The following KIAA0825 variants were observed in gnomAD, a reference collection of about 807,000 sequenced individuals.
KIAA0825 encodes the protein KIAA0825, also known as uncharacterized protein KIAA0825.
KIAA0825 carries 119 observed loss-of-function variants against 147.6 expected under a neutral mutation model. That is an observed-to-expected ratio of 0.81 (90% CI 0.69 to 0.94). KIAA0825 has a LOEUF of 0.94. KIAA0825 is among the 40% of genes least tolerant of loss of function. The pLI is 0.00. For synonymous variants in KIAA0825, 470 were observed against 518.1 expected (o/e 0.91, Z 1.26); for missense variants, 1,381 against 1,472.7 (o/e 0.94, Z 1.02).
At chr5:94,565,075 TCTC>T (rs1778421162) in intron 2 of KIAA0825, among the ~76,000 whole-genome samples, 2 of 142,996 alleles carry the variant, frequency 1.4e-5, no homozygotes, top group African/African-American at 2.6e-5. Flanking sequence ...TGTCTCTCTT[TCTC>T]TCTCTTTCTT....
At chr5:94,377,064 A>G (rs974396988) in intron 20 of KIAA0825, among the ~76,000 whole-genome samples, 2 of 152,214 alleles carry the variant, frequency 1.3e-5, no homozygotes, top group Non-Finnish European at 2.9e-5. Flanking sequence ...GATATAGGGT[A>G]AAGGTACTTT....
intron 20 of KIAA0825, among the ~76,000 whole-genome samples, chr5:94,240,981 T>C (rs1775315112): frequency 1.3e-5 from 2 of 152,166 alleles, no homozygotes; most frequent in African/African-American, 2.4e-5. Context: ...AATAAATGAA[T>C]CCATTTAACA....
chr5:94,440,050 C>T lies in KIAA0825; in HGVS notation c.2429G>A (p.Trp810Ter). 6.4e-7 allele frequency: 1 copy of T among 1,551,700 alleles called. No individual in the cohort carries two copies. Among genetic ancestry groups the T allele is most frequent in the Middle Eastern group, 1.7e-4 (1 of 5,992 alleles). Reference protein sequence around the residue: ...KLLLSQPRCNWNLLLETLLHH... With the variant: ...KLLLSQPRCN ...CAGTAGGGTTTCCAGAAGCAAGTTC[C>T]AGTTACAACGTGGCTGGGATAAGAG... The change falls in exon 14 of 21, where the codon TGG becomes TAG. Residue 810 changes from tryptophan to a stop codon, truncating the protein, a stop_gained. Transcript: ENST00000682413. LOFTEE classifies it high-confidence loss of function.
intron 8 of KIAA0825, among the ~76,000 whole-genome samples, chr5:94,472,518 G>C (rs563622455): frequency 1.9e-3 from 284 of 152,282 alleles, no homozygotes; most frequent in Middle Eastern, 0.017. Context: ...GGCTGAGGCG[G>C]GCGGATCACA....
intron 20 of KIAA0825, among the ~76,000 whole-genome samples, chr5:94,212,446 G>A (rs1165348941): frequency 2.0e-5 from 3 of 152,184 alleles, no homozygotes; most frequent in African/African-American, 7.2e-5. Context: ...AAGAGTCTGA[G>A]ATTTTTCCCT....
At chr5:94,202,917 T>C (rs914060015) in intron 20 of KIAA0825, among the ~76,000 whole-genome samples, 25 of 152,164 alleles carry the variant, frequency 1.6e-4, no homozygotes, top group African/African-American at 4.3e-4. Flanking sequence ...AGATGGTGAT[T>C]TTCAATTCAG....
chr5:94,515,818 T>G, intron 5 of KIAA0825, among the ~76,000 whole-genome samples: 1 of 143,332 alleles, frequency 7.0e-6, no homozygotes, highest in Non-Finnish European at 1.5e-5. Context: ...TTAGAGAAAC[T>G]ATAAGAATAC....
intron 20 of KIAA0825, among the ~76,000 whole-genome samples, chr5:94,343,367 A>G (rs1047262005): frequency 1.3e-5 from 2 of 152,188 alleles, no homozygotes; most frequent in Non-Finnish European, 2.9e-5. Context: ...TGACATTAAA[A>G]TCTTCTATTT....
intron 5 of KIAA0825, among the ~76,000 whole-genome samples, chr5:94,499,401 G>T (rs541130461): frequency 6.6e-6 from 1 of 152,212 alleles, no homozygotes; most frequent in South Asian, 2.1e-4. Flanking sequence ...ATCAATTCTT[G>T]TTTTCTGCTT....
At chr5:94,530,655 C>G (rs900210243) in intron 3 of KIAA0825, among the ~76,000 whole-genome samples, 8 of 152,130 alleles carry the variant, frequency 5.3e-5, no homozygotes, top group African/African-American at 1.9e-4. Context: ...CTTTTCCTGG[C>G]AAAGTTGACA....
chr5:94,269,855 CA>C (rs1457568549), intron 20 of KIAA0825, among the ~76,000 whole-genome samples: 3 of 151,916 alleles, frequency 2.0e-5, no homozygotes, highest in East Asian at 1.9e-4. Flanking sequence ...AAAAGATCAA[CA>C]AAAACTTGCT....
At chr5:94,304,215 T>G (rs531641884) in intron 20 of KIAA0825, among the ~76,000 whole-genome samples, 1 of 152,280 alleles carries the variant, frequency 6.6e-6, no homozygotes, top group African/African-American at 2.4e-5. Flanking sequence ...CTGGCTCTGC[T>G]TCTTACTAGT....
intron 20 of KIAA0825, among the ~76,000 whole-genome samples, chr5:94,368,098 G>A (rs1427456960): frequency 6.6e-6 from 1 of 152,208 alleles, no homozygotes; most frequent in Non-Finnish European, 1.5e-5. Context: ...AAAGGTGTGT[G>A]TTGTGTACAT....
At chr5:94,617,735 G>T (rs1345313156) in intron 1 of KIAA0825, among the ~76,000 whole-genome samples, 1 of 152,136 alleles carries the variant, frequency 6.6e-6, no homozygotes, top group Non-Finnish European at 1.5e-5. Context: ...TCTTAAATGA[G>T]CACCTTTCCT....
chr5:94,335,260 T>A (rs1781686706), intron 20 of KIAA0825, among the ~76,000 whole-genome samples: 1 of 152,212 alleles, frequency 6.6e-6, no homozygotes, highest in Admixed American at 6.5e-5. Flanking sequence ...AACTAGAAAT[T>A]AAGTTTGGAA....
intron 14 of KIAA0825, among the ~76,000 whole-genome samples, chr5:94,422,840 C>T (rs1279739019): frequency 8.5e-5 from 13 of 152,134 alleles, no homozygotes; most frequent in Admixed American, 6.6e-4. Context: ...TTACCTAAGA[C>T]GTGTTTTCCC....
At chr5:94,462,990 T>A (rs1760025500) in intron 11 of KIAA0825, among the ~76,000 whole-genome samples, 1 of 151,914 alleles carries the variant, frequency 6.6e-6, no homozygotes, top group South Asian at 2.1e-4. Flanking sequence ...CTCACTCATA[T>A]GTAAGCTGTC....
At chr5:94,548,271 G>A (rs1007787872) in intron 2 of KIAA0825, among the ~76,000 whole-genome samples, 10 of 152,084 alleles carry the variant, frequency 6.6e-5, no homozygotes, top group Non-Finnish European at 1.2e-4. Flanking sequence ...TTAAAAAGCT[G>A]ATGAACTAAG....
At chr5:94,163,416 T>C (rs1438969282) in intron 20 of KIAA0825, among the ~76,000 whole-genome samples, 1 of 152,210 alleles carries the variant, frequency 6.6e-6, no homozygotes, top group Non-Finnish European at 1.5e-5. Context: ...CCACCACTTT[T>C]TTCTTTAGTA....
Sources: allele counts gnomAD v4.1 joint callset (sites outside exome capture counted in the v4.1 genomes callset), GRCh38; gene constraint gnomAD v4.1.1; transcripts MANE v1.5; gene names NCBI Gene and HGNC (gene_info 2026-07-23, HGNC 2026-07-21).